The following SOS1 variants were observed in gnomAD, a reference collection of about 807,000 sequenced individuals.
SOS1 encodes son of sevenless homolog 1.
SOS1 carries 25 observed loss-of-function variants against 157.6 expected under a neutral mutation model. That is an observed-to-expected ratio of 0.16 (90% CI 0.12 to 0.22). The LOEUF is 0.22. Among genes scored for constraint, SOS1 ranks in the 10% least tolerant of loss-of-function variants. The pLI is 1.00. For missense variants in SOS1, 1,237 were observed against 1,599.1 expected (o/e 0.77, Z 3.86); for synonymous variants, 528 against 534.0 (o/e 0.99, Z 0.16).
chr2:38,996,660 T>G (rs1222480768), intron 19 of SOS1, among the ~76,000 whole-genome samples: 1 of 152,226 alleles, frequency 6.6e-6, no homozygotes, highest in Admixed American at 6.5e-5. Context: ...CTTTAAAATC[T>G]TAACATTTTT....
rs1401325594 is a variant in SOS1, at chr2:39,058,771, C to T, written c.247G>A (p.Asp83Asn). Reference sequence around the variant, plus strand: ...TGGGCATCAGCTATTGCCCATTTATCAATTGGATGAGGGAAACTTTTTTGA... The same window carrying T: ...TGGGCATCAGCTATTGCCCATTTATTAATTGGATGAGGGAAACTTTTTTGA... ...RVQKSFPHPI[D>N]KWAIADAQSA... Residue 83 changes from aspartate (D) to asparagine (N), a missense_variant, in exon 3 of 23, where the codon GAT becomes AAT. This residue lies in a region of SOS1 where 19 missense variants were observed against 39.4 expected (regional missense o/e 0.48). Coordinates refer to ENST00000402219, the MANE Select transcript of SOS1 (RefSeq NM_005633.4). The T allele has an allele frequency of 6.2e-7, 1 of 1,612,288 alleles. No homozygotes were observed. Among genetic ancestry groups the T allele is most frequent in the South Asian group, 1.1e-5 (1 of 90,872 alleles).
At position 39,116,309 on chromosome 2, in the gene SOS1, G is replaced by A. The variant is rs552832076; in HGVS notation, c.87+4027C>T. ...TCAAGTCAGAAACAAGACTATTCCTGTTCCATTACCATTCCCCCAATCACT... is the reference window on the plus strand; with the variant it reads ...TCAAGTCAGAAACAAGACTATTCCTATTCCATTACCATTCCCCCAATCACT... On this transcript the variant is annotated intron_variant, in intron 1 of 22. Transcript: ENST00000402219. Among the ~76,000 whole-genome samples, 6 of 152,194 alleles carry A rather than the reference G, an allele frequency of 3.9e-5. No homozygotes were observed. The East Asian group carries it at 1.2e-3, about 29-fold the overall frequency.
intron 1 of SOS1, among the ~76,000 whole-genome samples, chr2:39,075,792 A>T (rs372276671): frequency 6.6e-6 from 1 of 152,186 alleles, no homozygotes; most frequent in Non-Finnish European, 1.5e-5. Context: ...AACTACAAAC[A>T]TAACAGTTTA....
chr2:39,111,009 G>A (rs1673412364), intron 1 of SOS1, among the ~76,000 whole-genome samples: 1 of 152,242 alleles, frequency 6.6e-6, no homozygotes, highest in Non-Finnish European at 1.5e-5. Context: ...GAGGCAGGTG[G>A]ATCACCTGAG....
At chr2:39,092,645 C>T (rs1672635762) in intron 1 of SOS1, among the ~76,000 whole-genome samples, 2 of 152,304 alleles carry the variant, frequency 1.3e-5, no homozygotes, top group South Asian at 4.1e-4. Flanking sequence ...ATCTAGAACA[C>T]TGCTTGGCAT....
chr2:39,068,791 A>T (rs1304776966), intron 1 of SOS1, among the ~76,000 whole-genome samples: 1 of 152,112 alleles, frequency 6.6e-6, no homozygotes, highest in Non-Finnish European at 1.5e-5. Flanking sequence ...GGCCTCTGTA[A>T]AGCTTGCATG....
intron 2 of SOS1, among the ~76,000 whole-genome samples, chr2:39,065,913 A>C (rs888626432): frequency 3.4e-4 from 52 of 152,222 alleles, no homozygotes; most frequent in Admixed American, 3.3e-3. Flanking sequence ...TCTTGATGGG[A>C]TTATTACAAA....
At chr2:39,045,022 T>C (rs1670712798) in intron 6 of SOS1, among the ~76,000 whole-genome samples, 1 of 152,198 alleles carries the variant, frequency 6.6e-6, no homozygotes, top group Non-Finnish European at 1.5e-5. Context: ...TTCTATCTAA[T>C]ATAATGTACG....
intron 1 of SOS1, among the ~76,000 whole-genome samples, chr2:39,072,654 A>G (rs1671828733): frequency 6.6e-6 from 1 of 152,222 alleles, no homozygotes; most frequent in Non-Finnish European, 1.5e-5. Flanking sequence ...GGAAATTCAT[A>G]TTCAGTTTTA....
At chr2:39,039,243 C>T (rs6544191) in intron 6 of SOS1, among the ~76,000 whole-genome samples, 142,462 of 152,326 alleles carry the variant, frequency 0.94, 66,716 homozygotes, top group African/African-American at 0.97. Context: ...TTTATTGTGA[C>T]ATTCACTTTA....
At chr2:39,057,761 G>C (rs1671261900) in intron 3 of SOS1, among the ~76,000 whole-genome samples, 1 of 152,038 alleles carries the variant, frequency 6.6e-6, no homozygotes, top group African/African-American at 2.4e-5. Flanking sequence ...AAATCATGAA[G>C]AGAATGATGA....
At chr2:39,055,725 G>A (rs577493287) in intron 4 of SOS1, among the ~76,000 whole-genome samples, 1 of 152,246 alleles carries the variant, frequency 6.6e-6, no homozygotes, top group East Asian at 1.9e-4. Flanking sequence ...TGCTTCATCA[G>A]AAAACATTTT....
chr2:39,117,141 G>A (rs546521370), intron 1 of SOS1, among the ~76,000 whole-genome samples: 5 of 150,874 alleles, frequency 3.3e-5, no homozygotes, highest in Non-Finnish European at 5.9e-5. Context: ...CTATTCTCCT[G>A]CCTCAGCCTC....
intron 1 of SOS1, among the ~76,000 whole-genome samples, chr2:39,115,402 C>CT (rs1558520809): frequency 1.0e-5 from 1 of 99,556 alleles, no homozygotes; most frequent in Admixed American, 1.2e-4. Context: ...AATTTGTTCT[C>CT]TCTCTTTTTT....
intron 16 of SOS1, 80 bp from the exon 17 acceptor site, chr2:39,006,609 G>A (rs964575449): frequency 2.7e-5 from 21 of 775,360 alleles, no homozygotes; most frequent in Admixed American, 1.4e-4. Context: ...TAACAGAAAC[G>A]CCCAAATACA....
intron 1 of SOS1, among the ~76,000 whole-genome samples, chr2:39,115,385 T>C (rs556206880): frequency 1.3e-5 from 2 of 151,140 alleles, no homozygotes; most frequent in Non-Finnish European, 2.9e-5. Flanking sequence ...TGTTGTCATT[T>C]GTATCAAATT....
At chr2:39,063,947 C>T (rs1318815487) in intron 2 of SOS1, among the ~76,000 whole-genome samples, 1 of 152,066 alleles carries the variant, frequency 6.6e-6, no homozygotes, top group Non-Finnish European at 1.5e-5. Flanking sequence ...ATCCTCCCAC[C>T]TCAACCTCTC....
chr2:39,112,393 G>C lies in SOS1; in HGVS notation c.87+7943C>G, dbSNP rs182180269. On this transcript the variant is annotated intron_variant, in intron 1 of 22. Coordinates refer to ENST00000402219, the MANE Select transcript of SOS1 (RefSeq NM_005633.4). ...GCTCACTGCAGCATCAGCCTCCTGA[G>C]CTCAAGGGATCCTCCCACCTCAGTC... Among the ~76,000 whole-genome samples, 151 of 152,270 alleles carry C rather than the reference G, an allele frequency of 9.9e-4. 1 individual carries two copies. The highest frequency in any genetic ancestry group is 8.6e-3 in the Admixed American group (131 of 15,298).
At chr2:39,074,002 A>G (rs1671875731) in intron 1 of SOS1, among the ~76,000 whole-genome samples, 2 of 152,218 alleles carry the variant, frequency 1.3e-5, no homozygotes, top group Non-Finnish European at 1.5e-5. Flanking sequence ...TTAGGTGCTT[A>G]TCACTCTGAG....
Sources: gnomAD v4.1 joint callset for allele counts (sites outside exome capture counted in the v4.1 genomes callset) on GRCh38, gnomAD v4.1.1 for gene constraint, gnomAD v4.1.1 regional missense constraint, MANE v1.5 for transcripts, NCBI Gene and HGNC (gene_info 2026-07-23, HGNC 2026-07-21) for gene names.